PTCRA: variants seen among roughly 807,000 people sequenced by gnomAD.
PTCRA encodes the protein pre T cell antigen receptor alpha.
Under a neutral mutation model 13.4 loss-of-function variants are expected in PTCRA, and 9 were observed. The observed-to-expected ratio is 0.67, with a 90% CI of 0.41 to 1.18. The LOEUF is 1.18. Among genes scored for constraint, PTCRA ranks in the 50% most tolerant of loss-of-function variants. The pLI is 0.01. For synonymous variants in PTCRA, 153 were observed against 161.9 expected (o/e 0.94, Z 0.42); for missense variants, 353 against 359.8 (o/e 0.98, Z 0.15).
At chr6:42,919,083 C>T (rs1245947765) in intron 1 of PTCRA, among the ~76,000 whole-genome samples, 14 of 149,692 alleles carry the variant, frequency 9.4e-5, no homozygotes, top group Non-Finnish European at 1.8e-4. Flanking sequence ...CCCGCTCTGT[C>T]GCCAGGCTGG....
chr6:42,918,412 C>G (rs183429459), intron 1 of PTCRA, among the ~76,000 whole-genome samples: 2 of 149,474 alleles, frequency 1.3e-5, no homozygotes, highest in African/African-American at 4.9e-5. Flanking sequence ...AAATTAGCCA[C>G]GCGTGGTGGT....
chr6:42,920,520 G>A (rs998020644), intron 1 of PTCRA, among the ~76,000 whole-genome samples: 35 of 146,490 alleles, frequency 2.4e-4, no homozygotes, highest in Admixed American at 1.4e-3. Flanking sequence ...CGCCTCCCGG[G>A]TTCACGCCAT....
Position 42,916,149 on chromosome 6 carries a change from C to T in PTCRA, c.58+22C>T, listed in dbSNP as rs764163685. 31 of 1,610,800 alleles carry T rather than the reference C, an allele frequency of 1.9e-5. No individual in the cohort carries two copies. In the Admixed American group the frequency reaches 4.8e-4, roughly 25 times the overall value. ...ACAGGTGAGCCCCCTCTTTGCCTTCCTCTCTGTCCCTCCTCAGTCTGCCGA... is the reference window on the plus strand; with the variant it reads ...ACAGGTGAGCCCCCTCTTTGCCTTCTTCTCTGTCCCTCCTCAGTCTGCCGA... On this transcript the variant is annotated intron_variant, in intron 1 of 3. Coordinates refer to ENST00000304672, the MANE Select transcript of PTCRA (RefSeq NM_138296.3).
intron 3 of PTCRA, 23 bp downstream of exon 3, chr6:42,924,296 G>A: frequency 6.2e-7 from 1 of 1,610,906 alleles, no homozygotes; most frequent in Non-Finnish European, 8.5e-7. Context: ...GGCAAGGGGT[G>A]GGGAATAAGA....
At chr6:42,924,005 C>T (rs572960400) in intron 2 of PTCRA, among the ~76,000 whole-genome samples, 58 of 152,320 alleles carry the variant, frequency 3.8e-4, no homozygotes, top group African/African-American at 1.4e-3. Context: ...GCTCCCCAGC[C>T]TCCCCAGGGC....
chr6:42,916,437 A>C (rs1766881568), intron 1 of PTCRA, among the ~76,000 whole-genome samples: 1 of 152,152 alleles, frequency 6.6e-6, no homozygotes. Flanking sequence ...GAGAAATGAG[A>C]ACAAACTGGA....
At chr6:42,920,171 T>A (rs931918891) in intron 1 of PTCRA, among the ~76,000 whole-genome samples, 4 of 151,324 alleles carry the variant, frequency 2.6e-5, no homozygotes, top group Admixed American at 2.0e-4. Flanking sequence ...ATATAAACAA[T>A]TAGCCAGGCG....
chr6:42,916,887 C>T (rs1050863735), intron 1 of PTCRA, among the ~76,000 whole-genome samples: 1 of 152,112 alleles, frequency 6.6e-6, no homozygotes, highest in South Asian at 2.1e-4. Context: ...CACAGGGAGC[C>T]CATGGCAGGA....
rs571012981 is a variant in PTCRA, at chr6:42,925,429, C to G, written c.593C>G (p.Pro198Arg). The change falls in exon 4 of 4, where the codon CCG (proline) becomes CGG (arginine). Residue 198 changes from proline to arginine, a missense_variant. By Grantham distance (103) the Pro-to-Arg change is moderately radical. Transcript: ENST00000304672. The surrounding 1 kb of genome is among the most constrained non-coding windows in gnomAD (Gnocchi z 4.4). ...LRALGSHRLH[P>R]ATETGGREAT... is the part of the protein sequence containing the mutation. ...GCCCTCGGCTCCCATCGACTGCACC[C>G]GGCCACGGAGACTGGGGGACGAGAG... 1 of 1,555,336 alleles carries G rather than the reference C, an allele frequency of 6.4e-7. No homozygotes were observed. Among genetic ancestry groups the G allele is most frequent in the African/African-American group, 1.4e-5 (1 of 73,258 alleles).
intron 2 of PTCRA, 81 bp from the exon 3 acceptor site, chr6:42,924,148 G>A: frequency 7.9e-7 from 1 of 1,270,986 alleles, no homozygotes; most frequent in Non-Finnish European, 1.1e-6. Context: ...CCTGTGCCAG[G>A]GCCTGGGCAT....
rs45591034 is a variant in PTCRA, at chr6:42,924,209, C to T, written c.380-20C>T. 13,662 of 1,599,162 alleles carry T rather than the reference C, an allele frequency of 8.5e-3. 83 individuals are homozygous for T. Among genetic ancestry groups the T allele is most frequent in the Non-Finnish European group, 9.6e-3 (11,307 of 1,173,752 alleles). On this transcript the variant is annotated intron_variant, in intron 2 of 3. Coordinates refer to ENST00000304672, the MANE Select transcript of PTCRA (RefSeq NM_138296.3). ...CATGGCCCATCCCCAAAGACTCATT[C>T]GCTTCTCCCTGGACAACAGGAGAGG...
chr6:42,924,680 G>A (rs1767339221), intron 3 of PTCRA, among the ~76,000 whole-genome samples: 1 of 152,082 alleles, frequency 6.6e-6, no homozygotes, highest in African/African-American at 2.4e-5. Flanking sequence ...CGACCAAATA[G>A]AGAATTTTGA....
intron 3 of PTCRA, among the ~76,000 whole-genome samples, chr6:42,924,969 TAAAA>T (rs11343543): frequency 1.4e-5 from 2 of 144,950 alleles, no homozygotes; most frequent in Admixed American, 6.9e-5. Context: ...AGACTCCATC[TAAAA>T]AAAAAAAAAA....
intron 1 of PTCRA, among the ~76,000 whole-genome samples, chr6:42,920,718 C>A (rs1767114679): frequency 6.6e-6 from 1 of 152,092 alleles, no homozygotes; most frequent in African/African-American, 2.4e-5. Flanking sequence ...AGCCACAGCG[C>A]CCAGCCATGA....
chr6:42,919,327 C>G (rs1310682100), intron 1 of PTCRA, among the ~76,000 whole-genome samples: 1 of 152,064 alleles, frequency 6.6e-6, no homozygotes, highest in African/African-American at 2.4e-5. Flanking sequence ...GAAATCTTTC[C>G]TAAGTACCCT....
chr6:42,925,579 C>T lies in PTCRA; in HGVS notation c.743C>T (p.Ala248Val), dbSNP rs1182994992. ...CTCAGCAGTTACCCCACTTGCCCAG[C>T]ACAGGCCTGGTGCTCAAGATCTGCC... is the stretch of plus-strand genomic sequence containing the variant. Reference protein sequence around the residue: ...SYLSSYPTCPAQAWCSRSALR... With the variant: ...SYLSSYPTCPVQAWCSRSALR... The change falls in exon 4 of 4, where the codon GCA (alanine) becomes GTA (valine). Residue 248 changes from alanine (A) to valine (V), a missense_variant. Coordinates refer to ENST00000304672, the MANE Select transcript of PTCRA (RefSeq NM_138296.3). The surrounding 1 kb of genome is among the most constrained non-coding windows in gnomAD (Gnocchi z 4.4). 1.9e-6 allele frequency: 3 copies of T among 1,602,428 alleles called. No homozygotes were observed. Among genetic ancestry groups the T allele is most frequent in the South Asian group, 1.1e-5 (1 of 88,914 alleles).
rs1213966317 is a variant in PTCRA, at chr6:42,924,276, G to A, written c.424+3G>A. Reference sequence around the variant, plus strand: ...CTGCCCCCAGGAGCCTCTCAGGGGTGAGTACTCCGGGCAAGGGGTGGGGAA... The same window carrying A: ...CTGCCCCCAGGAGCCTCTCAGGGGTAAGTACTCCGGGCAAGGGGTGGGGAA... On this transcript the variant is annotated splice_donor_region_variant and intron_variant, in intron 3 of 3. Transcript: ENST00000304672. 3.7e-6 allele frequency: 6 copies of A among 1,612,122 alleles called. No individual in the cohort carries two copies. Among genetic ancestry groups the A allele is most frequent in the Non-Finnish European group, 4.2e-6 (5 of 1,179,202 alleles).
chr6:42,917,205 T>TTAC lies in PTCRA; in HGVS notation c.58+1080_58+1081insCTA, dbSNP rs1157711419. Among the ~76,000 whole-genome samples, 18 of 123,374 alleles carry TTAC rather than the reference T, an allele frequency of 1.5e-4. No individual in the cohort carries two copies. In the East Asian group the frequency reaches 3.6e-3, roughly 24 times the overall value. 80.9% of individuals were successfully genotyped at this position (123,374 alleles called of 152,430 possible). A position where few individuals can be genotyped will look rare whatever the true frequency, so the allele number is the denominator to read the frequency against. The stretch of plus-strand genomic sequence containing the variant: ...TAACAGCATTATATTATTATTATTA[T>TTAC]TATTATTATTATTATTATTATTATT... On this transcript the variant is annotated intron_variant, in intron 1 of 3. Coordinates refer to ENST00000304672, the MANE Select transcript of PTCRA (RefSeq NM_138296.3).
rs1283944107 is a variant in PTCRA at position 42,925,258 on chromosome 6, C to T, written c.425-3C>T. On this transcript the variant is annotated splice_region_variant and splice_polypyrimidine_tract_variant and intron_variant, in intron 3 of 3. Transcript: ENST00000304672. This position sits in a 1 kb window ranked among gnomAD's most constrained non-coding sequence, Gnocchi z 4.4. ...CGGGCTCCTGAGCGGTTCCTCCTCG[C>T]AGGGACACCGGGTGGGGCGCTGTGG... is the stretch of plus-strand genomic sequence containing the variant. 2 of 1,586,084 alleles carry T rather than the reference C, an allele frequency of 1.3e-6. No homozygotes were observed. The highest frequency in any genetic ancestry group is 1.7e-6 in the Non-Finnish European group (2 of 1,173,776).
Sources: gnomAD v4.1 joint callset for allele counts (sites outside exome capture counted in the v4.1 genomes callset) on GRCh38, gnomAD v4.1.1 for gene constraint, Gnocchi (gnomAD v3.1) non-coding constraint, MANE v1.5 for transcripts, NCBI Gene and HGNC (gene_info 2026-07-23, HGNC 2026-07-21) for gene names.